Variants in TLE3 observed in about 807,000 individuals in gnomAD.
The protein encoded by TLE3 is transducin-like enhancer protein 3.
In TLE3, 14 loss-of-function variants were observed where a neutral mutation model predicts 93.0. The observed-to-expected ratio is 0.15, with a 90% CI of 0.10 to 0.24. The LOEUF (loss-of-function observed/expected upper bound fraction) is 0.24. Ranked by LOEUF, TLE3 falls within the 10% of genes least tolerant of loss-of-function variation. TLE3 has a pLI of 1.00. For synonymous variants in TLE3, 451 were observed against 425.0 expected, an observed-to-expected ratio of 1.06 and a Z score of -0.75; for missense variants, 693 against 1,046.6, an observed-to-expected ratio of 0.66 and a Z score of 4.66.
At chr15:70,057,257 G>C (rs912535945) in intron 13 of TLE3, among the ~76,000 whole-genome samples, 2 of 152,192 alleles carry the variant, frequency 1.3e-5, no homozygotes, top group African/African-American at 2.4e-5. Flanking sequence ...GGCCAGTGGG[G>C]GATGGAACTC....
intron 10 of TLE3, among the ~76,000 whole-genome samples, chr15:70,059,096 A>G (rs1376488532): frequency 6.6e-6 from 1 of 152,156 alleles, no homozygotes; most frequent in Non-Finnish European, 1.5e-5. Flanking sequence ...GCTCCTCCTC[A>G]GGCCCCTGAG....
At position 70,065,986 on chromosome 15, in the gene TLE3, CCCACCCTCTG is replaced by C; in HGVS notation, c.577+18_577+27del. The stretch of plus-strand genomic sequence containing the variant: ...GCGCCCATGCCCACCCCTGCCCCGC[CCCACCCTCTG>C]CCCCAGCCCAGCCGCACCTCTGTGA... On this transcript the variant is annotated intron_variant, in intron 7 of 19. Coordinates refer to ENST00000451782, the MANE Select transcript of TLE3 (RefSeq NM_001105192.3). 2 of 1,569,158 alleles carry C rather than the reference CCCACCCTCTG, an allele frequency of 1.3e-6. No homozygotes were observed. The highest frequency in any genetic ancestry group is 1.8e-6 in the Non-Finnish European group (2 of 1,142,632).
At position 70,052,503 on chromosome 15, in the gene TLE3, G is replaced by C; in HGVS notation, c.1996C>G (p.Pro666Ala). Reference sequence around the variant, plus strand: ...CCCACAGCCAGCCACTCCCCAGTGGGGCAGTAGCCCAGCGAGAAGATCTGC... The same window carrying C: ...CCCACAGCCAGCCACTCCCCAGTGGCGCAGTAGCCCAGCGAGAAGATCTGC... Reference protein sequence around the residue: ...TSQIFSLGYCPTGEWLAVGME... With the variant: ...TSQIFSLGYCATGEWLAVGME... The change falls in exon 18 of 20, where the codon CCC (proline) becomes GCC (alanine). Residue 666 changes from proline to alanine, a missense_variant. Physicochemically the swap from Pro to Ala is conservative, Grantham distance 27 (BLOSUM62 -1). This residue lies in a region of TLE3 where 153 missense variants were observed against 379.9 expected (regional missense o/e 0.40). Coordinates refer to ENST00000451782, the MANE Select transcript of TLE3 (RefSeq NM_001105192.3). 6.2e-7 allele frequency: 1 copy of C among 1,613,664 alleles called. No individual in the cohort carries two copies. Among genetic ancestry groups the C allele is most frequent in the South Asian group, 1.1e-5 (1 of 91,034 alleles).
At chr15:70,072,521 A>G (rs1264502945) in intron 6 of TLE3, among the ~76,000 whole-genome samples, 1 of 152,212 alleles carries the variant, frequency 6.6e-6, no homozygotes, top group Admixed American at 6.5e-5. Context: ...ACCACCACCA[A>G]GCTGAGAGCT....
Position 70,067,893 on chromosome 15 carries a change from T to C in TLE3, c.373-1675A>G, listed in dbSNP as rs116210931. On this transcript the variant is annotated intron_variant, in intron 6 of 19. Coordinates refer to ENST00000451782, the MANE Select transcript of TLE3 (RefSeq NM_001105192.3). ...TGTCAGAGCACTTCTGTGACGTCTG[T>C]TGCTAGGCAGTTCATGGGCACTGTC... Among the ~76,000 whole-genome samples, 304 of 152,308 alleles carry C rather than the reference T, an allele frequency of 2.0e-3. 1 individual carries two copies. Among genetic ancestry groups the C allele is most frequent in the African/African-American group, 7.0e-3 (292 of 41,578 alleles).
Position 70,097,218 on chromosome 15 carries a change from G to C in TLE3, c.-420C>G. On this transcript the variant is annotated 5_prime_UTR_variant, in exon 1 of 20. Coordinates refer to ENST00000451782, the MANE Select transcript of TLE3 (RefSeq NM_001105192.3). Reference sequence around the variant, plus strand: ...GCTCGGGCCCCCTCCGGGTCACTCAGCGGGTCGCGCCTGTAGGGGGGCGCG... The same window carrying C: ...GCTCGGGCCCCCTCCGGGTCACTCACCGGGTCGCGCCTGTAGGGGGGCGCG... 2.5e-6 allele frequency: 1 copy of C among 405,446 alleles called. No homozygotes were observed. The highest frequency in any genetic ancestry group is 4.3e-6 in the Non-Finnish European group (1 of 231,972). 25.1% of individuals were successfully genotyped at this position (405,446 alleles called of 1,614,324 possible).
At chr15:70,067,980 C>T (rs2056920082) in intron 6 of TLE3, among the ~76,000 whole-genome samples, 1 of 152,182 alleles carries the variant, frequency 6.6e-6, no homozygotes, top group African/African-American at 2.4e-5. Flanking sequence ...GCTATGGGGG[C>T]CCCTGGAGCC....
At chr15:70,085,071 G>A (rs1314632151) in intron 4 of TLE3, among the ~76,000 whole-genome samples, 7 of 152,314 alleles carry the variant, frequency 4.6e-5, no homozygotes, top group South Asian at 2.1e-4. Flanking sequence ...AGAGCCACAC[G>A]TGGCTGGTGG....
rs370729783 is a variant in TLE3 at position 70,058,714 on chromosome 15, C to G, written c.867G>C (p.Ser289=). 17 of 1,608,914 alleles carry G rather than the reference C, an allele frequency of 1.1e-5. No homozygotes were observed. In the South Asian group the frequency reaches 1.9e-4, roughly 18 times the overall value. ...LKKDAPTSPA[S]VASSSSTPSS... is the part of the protein sequence containing the mutation. ...AAGGTGTGCTACTGGAAGAGGCCAC[C>G]GAGGCAGGGCTGGTGGGGGCATCTT... The change falls in exon 11 of 20, where the codon TCG becomes TCC. Residue 289 remains serine (S), a synonymous_variant. Coordinates refer to ENST00000451782, the MANE Select transcript of TLE3 (RefSeq NM_001105192.3). The surrounding 1 kb of genome is among the most constrained non-coding windows in gnomAD (Gnocchi z 4.1).
rs531374106 is a variant in TLE3 at position 70,051,251 on chromosome 15, G to C, written c.2202+140C>G. On this transcript the variant is annotated intron_variant, in intron 19 of 19. Coordinates refer to ENST00000451782, the MANE Select transcript of TLE3 (RefSeq NM_001105192.3). Reference sequence around the variant, plus strand: ...CAATCTTGCTCCCCTATCAGGTAGGGGTGGGGAGGGGACCAGGGCAGGTCT... The same window carrying C: ...CAATCTTGCTCCCCTATCAGGTAGGCGTGGGGAGGGGACCAGGGCAGGTCT... 1.9e-5 allele frequency: 14 copies of C among 749,684 alleles called. No individual in the cohort carries two copies. In the Middle Eastern group the frequency reaches 2.0e-3, roughly 107 times the overall value. 46.4% of individuals were successfully genotyped at this position (749,684 alleles called of 1,614,324 possible).
chr15:70,062,553 G>A (rs892251134), intron 8 of TLE3, among the ~76,000 whole-genome samples: 13 of 152,158 alleles, frequency 8.5e-5, no homozygotes, highest in African/African-American at 2.7e-4. Flanking sequence ...GCTGGCAGGC[G>A]GCCAAAAAAC....
Position 70,094,525 on chromosome 15 carries a change from C to T in TLE3, c.234+7G>A. The T allele has an allele frequency of 6.5e-7, 1 of 1,543,178 alleles. No homozygotes were observed. Among genetic ancestry groups the T allele is most frequent in the Non-Finnish European group, 8.7e-7 (1 of 1,144,850 alleles). ...GAAATATATTTTTAAAAGAGAAAAG[C>T]ACTTACCTGCTTGTGCATTTCAATG... On this transcript the variant is annotated splice_region_variant and intron_variant, in intron 4 of 19. Coordinates refer to ENST00000451782, the MANE Select transcript of TLE3 (RefSeq NM_001105192.3).
intron 14 of TLE3, 150 bp from the exon 15 acceptor site, chr15:70,055,448 T>C (rs1793446278): frequency 9.5e-7 from 1 of 1,056,036 alleles, no homozygotes; most frequent in Non-Finnish European, 1.3e-6. Flanking sequence ...AGTAACCCCA[T>C]GTACTGGGAT....
At chr15:70,063,675 C>T (rs1595900792) in intron 8 of TLE3, among the ~76,000 whole-genome samples, 2 of 152,226 alleles carry the variant, frequency 1.3e-5, no homozygotes, top group Admixed American at 1.3e-4. Flanking sequence ...AATAGCTTTG[C>T]TAATCGCTGG....
chr15:70,066,511 A>T lies in TLE3; in HGVS notation c.373-293T>A, dbSNP rs1306448471. ...CTCAATGTTTGTTTCCAAGCCTGAGATAAAGAATGCATGCATTTAAAAAAC... is the reference window on the plus strand; with the variant it reads ...CTCAATGTTTGTTTCCAAGCCTGAGTTAAAGAATGCATGCATTTAAAAAAC... On this transcript the variant is annotated intron_variant, in intron 6 of 19. Transcript: ENST00000451782. 15 of 375,450 alleles carry T rather than the reference A, an allele frequency of 4.0e-5. No homozygotes were observed. The East Asian group carries it at 6.4e-4, about 16-fold the overall frequency. 23.3% of individuals were successfully genotyped at this position (375,450 alleles called of 1,614,324 possible). A position where few individuals can be genotyped will look rare whatever the true frequency, so the allele number is the denominator to read the frequency against.
chr15:70,063,689 AT>A (rs1180046654), intron 8 of TLE3, among the ~76,000 whole-genome samples: 1 of 152,110 alleles, frequency 6.6e-6, no homozygotes, highest in African/African-American at 2.4e-5. Context: ...TCGCTGGAGG[AT>A]TTTTTTTATC....
At chr15:70,093,199 G>C (rs2058382566) in intron 4 of TLE3, among the ~76,000 whole-genome samples, 1 of 152,140 alleles carries the variant, frequency 6.6e-6, no homozygotes. Context: ...GCCTTCCTAA[G>C]GGACTAACTA....
At chr15:70,078,024 G>A (rs1326694129) in intron 4 of TLE3, among the ~76,000 whole-genome samples, 1 of 152,216 alleles carries the variant, frequency 6.6e-6, no homozygotes, top group Non-Finnish European at 1.5e-5. Flanking sequence ...TCACTGCTGT[G>A]TGGAGCCCGT....
chr15:70,095,352 G>A, intron 3 of TLE3: 1 of 1,431,490 alleles, frequency 7.0e-7, no homozygotes, highest in Non-Finnish European at 9.1e-7. Flanking sequence ...CTCCGGCCTG[G>A]AATCGGGGTT....
Sources: allele counts gnomAD v4.1 joint callset (sites outside exome capture counted in the v4.1 genomes callset), GRCh38; gene constraint gnomAD v4.1.1; regional missense constraint gnomAD v4.1.1; non-coding constraint Gnocchi (gnomAD v3.1); transcripts MANE v1.5; gene names NCBI Gene and HGNC (gene_info 2026-07-23, HGNC 2026-07-21).